Variants in DSCAML1 observed in about 807,000 individuals in gnomAD.
DSCAML1 encodes DS cell adhesion molecule like 1.
Under a neutral mutation model 200.5 loss-of-function variants are expected in DSCAML1, and 38 were observed. The ratio of observed to expected loss-of-function variants is 0.19; its 90% CI spans 0.15 to 0.25. The LOEUF (loss-of-function observed/expected upper bound fraction) is 0.25. Ranked by LOEUF, DSCAML1 falls within the 10% of genes least tolerant of loss-of-function variation. The pLI, the probability that DSCAML1 is intolerant of heterozygous loss-of-function variation, is 1.00. For missense variants in DSCAML1, 2,223 were observed against 2,858.8 expected (o/e 0.78, Z 5.07); for synonymous variants, 1,215 against 1,165.0 (o/e 1.04, Z -0.87).
intron 17 of DSCAML1, 50 bp downstream of exon 17, chr11:117,464,892 T>G (rs2048549059): frequency 6.3e-7 from 1 of 1,593,912 alleles, no homozygotes; most frequent in African/African-American, 1.3e-5. Context: ...CAGCCCTGGC[T>G]CTGCCCATGG....
intron 16 of DSCAML1, among the ~76,000 whole-genome samples, chr11:117,466,373 C>T (rs1457413822): frequency 6.6e-6 from 1 of 152,182 alleles, no homozygotes; most frequent in African/African-American, 2.4e-5. Flanking sequence ...TGTCCGATTC[C>T]ACTTAGGTGG....
chr11:117,759,703 G>A (rs1217748279), intron 3 of DSCAML1, among the ~76,000 whole-genome samples: 4 of 151,040 alleles, frequency 2.6e-5, no homozygotes, highest in Non-Finnish European at 4.4e-5. Context: ...AGGGCTGCTG[G>A]GTCACTCCTG....
In DSCAML1 at chr11:117,524,997, C is replaced by A. The variant is rs529794656; in HGVS notation, c.745G>T (p.Ala249Ser). The A allele has an allele frequency of 1.2e-6, 2 of 1,610,708 alleles. No individual in the cohort carries two copies. The highest frequency in any genetic ancestry group is 2.2e-5 in the South Asian group (2 of 90,440). Residue 249 changes from alanine to serine, a missense_variant, in exon 5 of 33, where the codon GCC (alanine) becomes TCC (serine). Ala to Ser is a moderately conservative substitution (Grantham distance 99). Transcript: ENST00000651296. ...AGHTVELPCT[A>S]SGYPIPAIRW... ...ATGGCGGGGATAGGGTAGCCCGAGG[C>A]GGTGCAGGGCAGCTCCACGGTGTGG...
chr11:117,706,548 G>A (rs2053761691), intron 3 of DSCAML1, among the ~76,000 whole-genome samples: 1 of 152,200 alleles, frequency 6.6e-6, no homozygotes, highest in South Asian at 2.1e-4. Context: ...CAGGCGTTCT[G>A]GGCCGGATTG....
intron 14 of DSCAML1, among the ~76,000 whole-genome samples, chr11:117,473,035 A>T (rs2048716132): frequency 6.6e-6 from 1 of 152,210 alleles, no homozygotes; most frequent in South Asian, 2.1e-4. Context: ...GCAAGTCCAG[A>T]TGTCACTATT....
At chr11:117,626,337 A>T (rs935253488) in intron 3 of DSCAML1, among the ~76,000 whole-genome samples, 2 of 152,164 alleles carry the variant, frequency 1.3e-5, no homozygotes, top group East Asian at 3.9e-4. Context: ...CCTTAAGCAG[A>T]AAGGACCCTG....
chr11:117,711,989 T>C (rs934186279), intron 3 of DSCAML1, among the ~76,000 whole-genome samples: 3 of 152,266 alleles, frequency 2.0e-5, no homozygotes, highest in Admixed American at 1.3e-4. Flanking sequence ...GCAGTGCGTT[T>C]GTGGACCTCT....
intron 3 of DSCAML1, among the ~76,000 whole-genome samples, chr11:117,708,801 CCTT>C (rs1310160088): frequency 6.6e-6 from 1 of 152,186 alleles, no homozygotes; most frequent in African/African-American, 2.4e-5. Flanking sequence ...AACGTTCTCT[CCTT>C]CTCACTCCAG....
rs531655324 is a variant in DSCAML1, at chr11:117,715,446, A to G, written c.511+61345T>C. On this transcript the variant is annotated intron_variant, in intron 3 of 32. Coordinates refer to ENST00000651296, the MANE Select transcript of DSCAML1 (RefSeq NM_020693.4). ...CAATGGGACTCTTTTTTTTGGTTTG[A>G]CCATTCTCTTTTACAACAGAAAGTA... 6.6e-5 allele frequency among the ~76,000 whole-genome samples: 10 copies of G among 152,226 alleles called. No individual in the cohort carries two copies. The South Asian group carries it at 2.1e-3, about 32-fold the overall frequency.
At chr11:117,549,174 T>A (rs2050429080) in intron 3 of DSCAML1, among the ~76,000 whole-genome samples, 2 of 152,158 alleles carry the variant, frequency 1.3e-5, no homozygotes, top group Non-Finnish European at 2.9e-5. Flanking sequence ...AGGCCTCCAA[T>A]GGCCTCCTCC....
chr11:117,593,717 T>G (rs1254301466), intron 3 of DSCAML1, among the ~76,000 whole-genome samples: 2 of 149,854 alleles, frequency 1.3e-5, no homozygotes, highest in Non-Finnish European at 3.0e-5. Context: ...TCTTGTTTTT[T>G]TTTTTTTTTT....
intron 3 of DSCAML1, among the ~76,000 whole-genome samples, chr11:117,651,674 C>T (rs1042326843): frequency 3.9e-5 from 5 of 127,930 alleles, no homozygotes; most frequent in East Asian, 2.6e-4. Flanking sequence ...ATCTTGCCAG[C>T]GTACTCCAGC....
At chr11:117,707,814 C>T (rs575211514) in intron 3 of DSCAML1, among the ~76,000 whole-genome samples, 119 of 152,114 alleles carry the variant, frequency 7.8e-4, no homozygotes, top group African/African-American at 2.4e-3. Flanking sequence ...ATTACAGGCG[C>T]GAGCCACCGT....
At chr11:117,742,369 C>A (rs2054438423) in intron 3 of DSCAML1, among the ~76,000 whole-genome samples, 1 of 152,174 alleles carries the variant, frequency 6.6e-6, no homozygotes, top group African/African-American at 2.4e-5. Flanking sequence ...AGAGCTAAAT[C>A]CCTAGGTTGA....
chr11:117,757,487 A>T (rs1463879127), intron 3 of DSCAML1, among the ~76,000 whole-genome samples: 1 of 152,058 alleles, frequency 6.6e-6, no homozygotes, highest in Non-Finnish European at 1.5e-5. Flanking sequence ...TACCCCACAC[A>T]TATGTAAAAT....
chr11:117,482,264 C>A (rs761795848), intron 11 of DSCAML1, 102 bp from the exon 12 acceptor site: 183 of 1,361,766 alleles, frequency 1.3e-4, no homozygotes, highest in Non-Finnish European at 1.8e-4. Context: ...CCTCCTCCCC[C>A]AGGAGAGGCT....
chr11:117,729,405 G>T lies in DSCAML1; in HGVS notation c.511+47386C>A, dbSNP rs189960484. Among the ~76,000 whole-genome samples, 23 of 151,488 alleles carry T rather than the reference G, an allele frequency of 1.5e-4. No individual in the cohort carries two copies. The East Asian group carries it at 3.5e-3, about 23-fold the overall frequency. On this transcript the variant is annotated intron_variant, in intron 3 of 32. Transcript: ENST00000651296. ...TGATACCAAAGCACAAGCAACAAAA[G>T]AAAAAAAATGGGTACATTGGATTCC...
intron 3 of DSCAML1, among the ~76,000 whole-genome samples, chr11:117,667,007 T>C (rs1020629375): frequency 8.5e-5 from 13 of 152,152 alleles, no homozygotes; most frequent in African/African-American, 3.1e-4. Context: ...TCTGGGTGGT[T>C]GGTTCATCCA....
chr11:117,663,211 T>C (rs1426103100), intron 3 of DSCAML1, among the ~76,000 whole-genome samples: 2 of 152,224 alleles, frequency 1.3e-5, no homozygotes, highest in South Asian at 2.1e-4. Context: ...GAGTCAGCCC[T>C]GACAGCCTGC....
Sources: allele counts gnomAD v4.1 joint callset (sites outside exome capture counted in the v4.1 genomes callset), GRCh38; gene constraint gnomAD v4.1.1; transcripts MANE v1.5; gene names NCBI Gene and HGNC (gene_info 2026-07-23, HGNC 2026-07-21).